The following NSUN6 variants were observed in gnomAD, a reference collection of about 807,000 sequenced individuals.
NSUN6 encodes the protein NOP2/Sun RNA methyltransferase 6.
Under a neutral mutation model 58.0 loss-of-function variants are expected in NSUN6, and 64 were observed. The observed-to-expected ratio is 1.10, with a 90% CI of 0.90 to 1.36. The LOEUF (loss-of-function observed/expected upper bound fraction) is 1.36. Ranked by LOEUF, NSUN6 falls within the 40% of genes most tolerant of loss-of-function variation. NSUN6 has a pLI of 0.00. For synonymous variants in NSUN6, 231 were observed against 193.9 expected (o/e 1.19, Z -1.59); for missense variants, 701 against 550.1 (o/e 1.27, Z -2.74).
intron 8 of NSUN6, among the ~76,000 whole-genome samples, chr10:18,569,784 CATTCCATTCTCCATTCCATTCCATTCTCT>C: frequency 6.6e-6 from 1 of 151,554 alleles, no homozygotes; most frequent in South Asian, 2.1e-4. Flanking sequence ...CACTGCATTT[CATTCCATTCTCCATTCCATTCCATTCTCT>C]ATTCCATTCT....
chr10:18,609,033 G>T (rs1233236345), intron 6 of NSUN6, among the ~76,000 whole-genome samples: 1 of 152,176 alleles, frequency 6.6e-6, no homozygotes, highest in Non-Finnish European at 1.5e-5. Flanking sequence ...CAAAGGCCAG[G>T]TACGGTGGCT....
rs371991726 is a variant in NSUN6 at position 18,546,092 on chromosome 10, C to G, written c.1251G>C (p.Gln417His). 3 of 1,611,650 alleles carry G rather than the reference C, an allele frequency of 1.9e-6. No individual in the cohort carries two copies. Among genetic ancestry groups the G allele is most frequent in the African/African-American group, 2.7e-5 (2 of 74,806 alleles). Residue 417 changes from glutamine (Q) to histidine (H), a missense_variant, in exon 11 of 11, where the codon CAG (glutamine) becomes CAC (histidine). Coordinates refer to ENST00000377304, the MANE Select transcript of NSUN6 (RefSeq NM_182543.5). ...GMRGAGLSCE[Q>H]LKQLQRFDPS... The stretch of plus-strand genomic sequence containing the variant: ...GATCAAATCGCTGCAGCTGTTTCAA[C>G]TGTTCACATGAGAGCCCAGCTCCCC...
In NSUN6 at chr10:18,618,630, C is replaced by T. The variant is rs540239149; in HGVS notation, c.312-2337G>A. ...CCAGGAGGTGGAGGTTGCAGTGAGC[C>T]GAGATGGTGCCATTGCACTCCAGCG... On this transcript the variant is annotated intron_variant, in intron 3 of 10. Transcript: ENST00000377304. Among the ~76,000 whole-genome samples, 4 of 145,314 alleles carry T rather than the reference C, an allele frequency of 2.8e-5. No individual in the cohort carries two copies. The East Asian group carries it at 8.0e-4, about 29-fold the overall frequency.
chr10:18,633,870 T>C (rs1410751172), intron 3 of NSUN6, among the ~76,000 whole-genome samples: 2 of 152,064 alleles, frequency 1.3e-5, no homozygotes, highest in African/African-American at 4.8e-5. Flanking sequence ...AAGAAAGCCT[T>C]CCCCGCCCCC....
chr10:18,546,019 C>A lies in NSUN6; in HGVS notation c.1324G>T (p.Ala442Ser). 6.3e-7 allele frequency: 1 copy of A among 1,582,860 alleles called. No homozygotes were observed. Among genetic ancestry groups the A allele is most frequent in the Non-Finnish European group, 8.6e-7 (1 of 1,168,894 alleles). The change falls in exon 11 of 11, where the codon GCC becomes TCC. Residue 442 changes from alanine to serine, a missense_variant. Coordinates refer to ENST00000377304, the MANE Select transcript of NSUN6 (RefSeq NM_182543.5). ...AGACGCAACATGTCTTCTCTTCTGG[C>A]CTCTCTAAGAGAGTCCATGTCAGTG... is the stretch of plus-strand genomic sequence containing the variant. The part of the protein sequence containing the change: ...PDTDMDSLRE[A>S]RREDMLRLAN...
intron 8 of NSUN6, among the ~76,000 whole-genome samples, chr10:18,563,396 C>G (rs946029745): frequency 6.9e-6 from 1 of 145,774 alleles, no homozygotes; most frequent in Non-Finnish European, 1.5e-5. Context: ...TGGTATGGAA[C>G]TGAGAATGGT....
chr10:18,593,715 G>A (rs1437516115), intron 7 of NSUN6, among the ~76,000 whole-genome samples: 1 of 152,120 alleles, frequency 6.6e-6, no homozygotes, highest in Non-Finnish European at 1.5e-5. Flanking sequence ...CAAAGGGTTG[G>A]AGGTAAGGGG....
chr10:18,608,030 G>A lies in NSUN6; in HGVS notation c.657+1815C>T, dbSNP rs531991102. Among the ~76,000 whole-genome samples the A allele has an allele frequency of 1.7e-3, 253 of 152,294 alleles. 1 individual carries two copies. The highest frequency in any genetic ancestry group is 3.3e-3 in the Admixed American group (50 of 15,302). On this transcript the variant is annotated intron_variant, in intron 6 of 10. Coordinates refer to ENST00000377304, the MANE Select transcript of NSUN6 (RefSeq NM_182543.5). ...TTAGCATCCCTTATAAGTTTCAATG[G>A]CCATCAGAAACTGGCCATCAAAATA...
upstream of NSUN6, chr10:18,655,253 G>T: frequency 1.9e-6 from 1 of 524,224 alleles, no homozygotes; most frequent in Non-Finnish European, 2.4e-6. Flanking sequence ...CAGGGTTCCT[G>T]GGCAATCTAT....
intron 5 of NSUN6, among the ~76,000 whole-genome samples, chr10:18,613,766 A>G (rs1389390697): frequency 6.6e-6 from 1 of 152,204 alleles, no homozygotes; most frequent in African/African-American, 2.4e-5. Flanking sequence ...GCAACATGAA[A>G]AACTGTTCCA....
upstream of NSUN6, chr10:18,652,535 A>C: frequency 1.0e-6 from 1 of 984,698 alleles, no homozygotes. Flanking sequence ...TATACCACAC[A>C]ACAACCTGCA....
At chr10:18,612,694 A>G (rs1241333305) in intron 5 of NSUN6, among the ~76,000 whole-genome samples, 1 of 152,230 alleles carries the variant, frequency 6.6e-6, no homozygotes. Context: ...AGAACAAGTG[A>G]GTGCTATAAA....
chr10:18,637,595 A>T (rs545238303), intron 3 of NSUN6, among the ~76,000 whole-genome samples: 3 of 152,374 alleles, frequency 2.0e-5, no homozygotes, highest in African/African-American at 7.2e-5. Flanking sequence ...AACTAAAATA[A>T]GCACAGACCT....
intron 8 of NSUN6, among the ~76,000 whole-genome samples, chr10:18,568,118 CA>C (rs897599481): frequency 6.6e-6 from 1 of 151,242 alleles, no homozygotes; most frequent in African/African-American, 2.4e-5. Flanking sequence ...CATTCCATTC[CA>C]TTCTGCATTA....
At chr10:18,586,520 G>A (rs2057150956) in intron 7 of NSUN6, among the ~76,000 whole-genome samples, 1 of 152,072 alleles carries the variant, frequency 6.6e-6, no homozygotes. Flanking sequence ...TGGGTTCGTG[G>A]TCTTGCTGAC....
rs771475638 is a variant in NSUN6 at position 18,546,060 on chromosome 10, G to A, written c.1283C>T (p.Ala428Val). 8 of 1,606,540 alleles carry A rather than the reference G, an allele frequency of 5.0e-6. No homozygotes were observed. Among genetic ancestry groups the A allele is most frequent in the Non-Finnish European group, 5.9e-6 (7 of 1,176,852 alleles). The change falls in exon 11 of 11, where the codon GCT (alanine) becomes GTT (valine). Residue 428 changes from alanine to valine, a missense_variant. By Grantham distance (64) the Ala-to-Val change is moderately conservative. Coordinates refer to ENST00000377304, the MANE Select transcript of NSUN6 (RefSeq NM_182543.5). Reference protein sequence around the residue: ...LKQLQRFDPSAVPLPDTDMDS... With the variant: ...LKQLQRFDPSVVPLPDTDMDS... ...CATGTCAGTGTCCGGTAATGGCACAGCCGATGGATCAAATCGCTGCAGCTG... is the reference window on the plus strand; with the variant it reads ...CATGTCAGTGTCCGGTAATGGCACAACCGATGGATCAAATCGCTGCAGCTG...
chr10:18,625,541 C>T (rs558397380), intron 3 of NSUN6, among the ~76,000 whole-genome samples: 22 of 151,584 alleles, frequency 1.5e-4, no homozygotes, highest in Non-Finnish European at 2.4e-4. Flanking sequence ...GGTAAAACTC[C>T]GTCTCTACTA....
chr10:18,620,075 T>G (rs975544728), intron 3 of NSUN6, among the ~76,000 whole-genome samples: 1 of 141,772 alleles, frequency 7.1e-6, no homozygotes, highest in African/African-American at 2.6e-5. Context: ...ACATCTAATT[T>G]TTACTAATAA....
chr10:18,623,568 G>A (rs1463628285), intron 3 of NSUN6, among the ~76,000 whole-genome samples: 1 of 152,136 alleles, frequency 6.6e-6, no homozygotes, highest in Admixed American at 6.5e-5. Context: ...AAAGAAATCA[G>A]AATCTAGGAA....
Sources: allele counts gnomAD v4.1 joint callset (sites outside exome capture counted in the v4.1 genomes callset), GRCh38; gene constraint gnomAD v4.1.1; transcripts MANE v1.5; gene names NCBI Gene and HGNC (gene_info 2026-07-23, HGNC 2026-07-21).